COL19A1: variants seen among roughly 807,000 people sequenced by gnomAD.
The protein encoded by COL19A1 is collagen type XIX alpha 1 chain, also known as collagen alpha-1(XIX) chain.
A neutral mutation model predicts 190.2 loss-of-function variants in COL19A1; 159 were observed. That is an observed-to-expected ratio of 0.84 (90% CI 0.73 to 0.95). The LOEUF (loss-of-function observed/expected upper bound fraction) is 0.95, where lower values mean the gene tolerates loss of function less well. Among genes scored for constraint, COL19A1 ranks in the 40% least tolerant of loss-of-function variants. The probability of loss-of-function intolerance (pLI) is 0.00; values close to 1 mark genes in which losing one functional copy is unlikely to be tolerated. For synonymous variants in COL19A1, 509 were observed against 458.9 expected (o/e 1.11, Z -1.39); for missense variants, 1,418 against 1,431.9 (o/e 0.99, Z 0.16).
intron 2 of COL19A1, among the ~76,000 whole-genome samples, chr6:69,895,450 C>T (rs1199078327): frequency 6.6e-6 from 1 of 152,176 alleles, no homozygotes; most frequent in African/African-American, 2.4e-5. Flanking sequence ...GTCCCATGGC[C>T]ATGAAAATTC....
intron 1 of COL19A1, among the ~76,000 whole-genome samples, chr6:69,866,954 T>C (rs933036880): frequency 2.6e-5 from 4 of 152,106 alleles, no homozygotes; most frequent in Non-Finnish European, 4.4e-5. Context: ...CTAGGTGGTT[T>C]TTCTGGCTAT....
chr6:69,944,197 C>A (rs1773645755), intron 9 of COL19A1, among the ~76,000 whole-genome samples: 1 of 152,104 alleles, frequency 6.6e-6, no homozygotes, highest in Non-Finnish European at 1.5e-5. Flanking sequence ...TCTGGCATCT[C>A]TATATAAAAA....
intron 14 of COL19A1, among the ~76,000 whole-genome samples, chr6:70,043,451 C>CA (rs1185452149): frequency 6.6e-6 from 1 of 152,086 alleles, no homozygotes; most frequent in Non-Finnish European, 1.5e-5. Flanking sequence ...CTCGGCCTCC[C>CA]AAAGTGCTGG....
rs575971784 is a variant in COL19A1, at chr6:69,897,127, A to G, written c.92-1821A>G. ...TGTTTTACCTTTCATATTTATTTCT[A>G]TGATTATCTTTAGTTAGTTTTTGTG... On this transcript the variant is annotated intron_variant, in intron 2 of 50. Transcript: ENST00000620364. Among the ~76,000 whole-genome samples the G allele has an allele frequency of 5.9e-5, 9 of 152,172 alleles. No homozygotes were observed. In the South Asian group the frequency reaches 1.9e-3, roughly 32 times the overall value.
At chr6:69,884,196 G>C (rs1009128144) in intron 2 of COL19A1, among the ~76,000 whole-genome samples, 1 of 152,044 alleles carries the variant, frequency 6.6e-6, no homozygotes, top group Non-Finnish European at 1.5e-5. Context: ...TTAGCTGTGC[G>C]TGGTGGCAGG....
Position 69,868,789 on chromosome 6 carries a change from C to T in COL19A1, c.-33+2149C>T, listed in dbSNP as rs1767639770. On this transcript the variant is annotated intron_variant, in intron 1 of 50. Coordinates refer to ENST00000620364, the MANE Select transcript of COL19A1 (RefSeq NM_001858.6). ...TCCAAAAATGGAAAATTTCCATCTACTTTCTGGTCCTCCAGTTTAATCTCT... is the reference window on the plus strand; with the variant it reads ...TCCAAAAATGGAAAATTTCCATCTATTTTCTGGTCCTCCAGTTTAATCTCT... Among the ~76,000 whole-genome samples the T allele has an allele frequency of 2.0e-5, 3 of 152,192 alleles. No individual in the cohort carries two copies. In the South Asian group the frequency reaches 6.2e-4, roughly 31 times the overall value.
intron 11 of COL19A1, among the ~76,000 whole-genome samples, chr6:69,980,953 G>GA (rs1010009244): frequency 9.9e-5 from 15 of 152,088 alleles, no homozygotes; most frequent in Non-Finnish European, 1.9e-4. Flanking sequence ...ATTCAAAAAT[G>GA]AAAAAAATGC....
chr6:69,885,498 T>C (rs1768860877), intron 2 of COL19A1, among the ~76,000 whole-genome samples: 1 of 152,214 alleles, frequency 6.6e-6, no homozygotes, highest in African/African-American at 2.4e-5. Context: ...GGCTAAATCT[T>C]ATTTAATGAA....
chr6:70,207,364 C>CTT lies in COL19A1; in HGVS notation c.*112_*113dup, dbSNP rs36112821. 0.022 allele frequency: 3,951 copies of CTT among 177,342 alleles called. 7 individuals carry two copies. Among genetic ancestry groups the CTT allele is most frequent in the African/African-American group, 0.027 (667 of 24,584 alleles). The allele number at this position is 177,342 out of a possible 1,614,324, so 11.0% of individuals were successfully genotyped here. A position where few individuals can be genotyped will look rare whatever the true frequency, so the allele number is the denominator to read the frequency against. On this transcript the variant is annotated 3_prime_UTR_variant, in exon 51 of 51. Transcript: ENST00000620364. ...TCAAACCCTCATCATCTGTGGGTTG[C>CTT]TTTTTTTTTTTTTTTTTTTTTTTGG... is the stretch of plus-strand genomic sequence containing the variant.
At chr6:69,933,271 C>T (rs1463567206) in intron 7 of COL19A1, among the ~76,000 whole-genome samples, 2 of 152,062 alleles carry the variant, frequency 1.3e-5, no homozygotes, top group African/African-American at 4.8e-5. Flanking sequence ...CCTTATCTTC[C>T]ATTTTCCTGT....
chr6:70,019,827 A>C (rs1404977890), intron 11 of COL19A1, among the ~76,000 whole-genome samples: 3 of 152,060 alleles, frequency 2.0e-5, no homozygotes, highest in Non-Finnish European at 4.4e-5. Flanking sequence ...AGTTTTCTTT[A>C]ATTCTAGCTT....
intron 16 of COL19A1, among the ~76,000 whole-genome samples, chr6:70,109,027 TA>T (rs1784130765): frequency 6.6e-6 from 1 of 152,162 alleles, no homozygotes. Context: ...ATACAGTGGT[TA>T]AAAACACAAA....
At chr6:70,112,178 C>A (rs977986740) in intron 16 of COL19A1, among the ~76,000 whole-genome samples, 2 of 152,140 alleles carry the variant, frequency 1.3e-5, no homozygotes, top group Admixed American at 6.5e-5. Context: ...TGAGGTCAAA[C>A]AAGGGGATGG....
At chr6:69,973,580 C>T (rs989461456) in intron 11 of COL19A1, among the ~76,000 whole-genome samples, 3 of 151,792 alleles carry the variant, frequency 2.0e-5, no homozygotes, top group Non-Finnish European at 2.9e-5. Flanking sequence ...GGTTTATACA[C>T]ACAGGGTTTT....
At chr6:70,192,960 T>A (rs540428368) in intron 48 of COL19A1, among the ~76,000 whole-genome samples, 1 of 152,338 alleles carries the variant, frequency 6.6e-6, no homozygotes, top group East Asian at 1.9e-4. Flanking sequence ...TCTTTATTTA[T>A]CTTTTATCTA....
chr6:69,919,281 T>C (rs933245628), intron 4 of COL19A1, among the ~76,000 whole-genome samples: 23 of 152,206 alleles, frequency 1.5e-4, no homozygotes, highest in Admixed American at 1.3e-3. Flanking sequence ...TGACCGACTT[T>C]TTGGGACTAT....
In COL19A1 at chr6:69,929,483, A is replaced by G. The variant is rs1440553559; in HGVS notation, c.449A>G (p.Glu150Gly). ...KVVEFMFQAT[E>G]GDVLNYIFRN... Reference sequence around the variant, plus strand: ...GTGGAATTTATGTTTCAAGCCACAGAGGGAGATGTGTTGAACTACATTTTT... The same window carrying G: ...GTGGAATTTATGTTTCAAGCCACAGGGGGAGATGTGTTGAACTACATTTTT... Residue 150 changes from glutamate (E) to glycine (G), a missense_variant, in exon 6 of 51, where the codon GAG becomes GGG. Glu to Gly is a moderately conservative substitution (Grantham distance 98). Coordinates refer to ENST00000620364, the MANE Select transcript of COL19A1 (RefSeq NM_001858.6). The G allele has an allele frequency of 1.2e-6, 2 of 1,614,046 alleles. No individual in the cohort carries two copies. Among genetic ancestry groups the G allele is most frequent in the Non-Finnish European group, 1.7e-6 (2 of 1,179,960 alleles).
At chr6:70,124,105 T>A (rs1312323757) in intron 17 of COL19A1, among the ~76,000 whole-genome samples, 1 of 150,202 alleles carries the variant, frequency 6.7e-6, no homozygotes, top group South Asian at 2.1e-4. Flanking sequence ...ATAAAATAAA[T>A]AAGGAAAAAA....
intron 14 of COL19A1, among the ~76,000 whole-genome samples, chr6:70,036,971 C>G (rs1213916457): frequency 6.6e-6 from 1 of 151,960 alleles, no homozygotes; most frequent in Non-Finnish European, 1.5e-5. Context: ...CCCACATAAA[C>G]AAATGTTTTT....
Sources: gnomAD v4.1 joint callset for allele counts (sites outside exome capture counted in the v4.1 genomes callset) on GRCh38, gnomAD v4.1.1 for gene constraint, MANE v1.5 for transcripts, NCBI Gene and HGNC (gene_info 2026-07-23, HGNC 2026-07-21) for gene names.